Variants in STAG1 observed in about 807,000 individuals in gnomAD.
STAG1 encodes the protein STAG1 cohesin complex component, also known as cohesin subunit SA-1.
STAG1 carries 26 observed loss-of-function variants against 170.9 expected under a neutral mutation model. That is an observed-to-expected ratio of 0.15 (90% CI 0.11 to 0.21). STAG1 has a LOEUF of 0.21. STAG1 is among the 10% of genes least tolerant of loss of function. The probability of loss-of-function intolerance (pLI) is 1.00; values close to 1 mark genes in which losing one functional copy is unlikely to be tolerated. For synonymous variants in STAG1, 514 were observed against 497.7 expected (o/e 1.03, Z -0.44); for missense variants, 964 against 1,509.5 (o/e 0.64, Z 5.99).
chr3:136,518,225 C>A, intron 7 of STAG1: 2 of 566,576 alleles, frequency 3.5e-6, no homozygotes, highest in East Asian at 2.9e-5. Context: ...CTCATCACAT[C>A]TGTACCCTAC....
intron 4 of STAG1, among the ~76,000 whole-genome samples, chr3:136,590,639 G>A (rs188896354): frequency 3.6e-4 from 55 of 152,244 alleles, no homozygotes; most frequent in Admixed American, 7.8e-4. Context: ...TCCTGGACCA[G>A]TTCCAAATAT....
intron 1 of STAG1, among the ~76,000 whole-genome samples, chr3:136,740,859 G>C (rs984215573): frequency 2.0e-5 from 3 of 152,156 alleles, no homozygotes; most frequent in African/African-American, 7.2e-5. Context: ...AATCTAATTT[G>C]GTGATAACAT....
chr3:136,378,526 C>T lies in STAG1; in HGVS notation c.2278-774G>A, dbSNP rs1406378411. 2.0e-5 allele frequency among the ~76,000 whole-genome samples: 3 copies of T among 152,204 alleles called. No individual in the cohort carries two copies. The East Asian group carries it at 5.8e-4, about 29-fold the overall frequency. On this transcript the variant is annotated intron_variant, in intron 22 of 33. Transcript: ENST00000383202. The stretch of plus-strand genomic sequence containing the variant: ...CGTGGGCAACACAGAAAATTAGCCG[C>T]GCATGGTGGAGCATGCCTGTAGTCC...
intron 22 of STAG1, among the ~76,000 whole-genome samples, chr3:136,395,914 T>C (rs2087134896): frequency 6.6e-6 from 1 of 152,070 alleles, no homozygotes; most frequent in African/African-American, 2.4e-5. Flanking sequence ...AAATAACATT[T>C]CAAAAAAAGA....
At chr3:136,566,702 A>G (rs1937086950) in intron 5 of STAG1, among the ~76,000 whole-genome samples, 1 of 152,236 alleles carries the variant, frequency 6.6e-6, no homozygotes, top group African/African-American at 2.4e-5. Context: ...CAATTCCTAT[A>G]GCTGACGATT....
chr3:136,562,863 C>T (rs372038635), intron 5 of STAG1, among the ~76,000 whole-genome samples: 2 of 152,204 alleles, frequency 1.3e-5, no homozygotes, highest in Non-Finnish European at 2.9e-5. Flanking sequence ...GCTGGGATTA[C>T]AGGTGTGAGT....
At chr3:136,585,593 A>AAAT (rs562758896) in intron 4 of STAG1, among the ~76,000 whole-genome samples, 2,231 of 150,762 alleles carry the variant, frequency 0.015, 39 homozygotes, top group African/African-American at 0.041. Flanking sequence ...TGAGACTCAA[A>AAAT]AATAATAATA....
intron 13 of STAG1, among the ~76,000 whole-genome samples, chr3:136,463,492 G>A (rs1344175779): frequency 6.6e-6 from 1 of 152,004 alleles, no homozygotes; most frequent in East Asian, 1.9e-4. Context: ...ATTATTCAAA[G>A]CTAGTAATTT....
intron 1 of STAG1, among the ~76,000 whole-genome samples, chr3:136,723,523 C>A (rs1426943254): frequency 6.4e-4 from 98 of 152,084 alleles, no homozygotes; most frequent in African/African-American, 2.1e-3. Flanking sequence ...AAGTGAGGAG[C>A]GTCTCTGCCC....
At chr3:136,624,675 T>C (rs1940017594) in intron 2 of STAG1, among the ~76,000 whole-genome samples, 2 of 152,214 alleles carry the variant, frequency 1.3e-5, no homozygotes, top group Admixed American at 1.3e-4. Context: ...TTGTTAACAA[T>C]TTCTCTATCA....
intron 22 of STAG1, among the ~76,000 whole-genome samples, chr3:136,378,535 G>C (rs1358907139): frequency 1.3e-5 from 2 of 152,196 alleles, no homozygotes; most frequent in African/African-American, 4.8e-5. Context: ...GCGCATGGTG[G>C]AGCATGCCTG....
intron 1 of STAG1, among the ~76,000 whole-genome samples, chr3:136,631,296 A>C (rs891187619): frequency 6.6e-6 from 1 of 152,238 alleles, no homozygotes; most frequent in Non-Finnish European, 1.5e-5. Flanking sequence ...TAAGTAAAGA[A>C]GCCAATCTGA....
At chr3:136,531,767 C>T (rs1377027346) in intron 6 of STAG1, among the ~76,000 whole-genome samples, 1 of 90,440 alleles carries the variant, frequency 1.1e-5, no homozygotes, top group African/African-American at 4.6e-5. Context: ...TTGTGGGGTG[C>T]GGGGAGGGGG....
At chr3:136,577,073 T>G (rs921705559) in intron 4 of STAG1, among the ~76,000 whole-genome samples, 1 of 152,166 alleles carries the variant, frequency 6.6e-6, no homozygotes, top group Non-Finnish European at 1.5e-5. Flanking sequence ...AAAGTACCAA[T>G]TCAAGCACAT....
intron 26 of STAG1, among the ~76,000 whole-genome samples, chr3:136,360,127 A>G (rs1936804252): frequency 6.6e-6 from 1 of 152,214 alleles, no homozygotes; most frequent in African/African-American, 2.4e-5. Context: ...AGAACCCTGG[A>G]GGTAATATAC....
At position 136,466,285 on chromosome 3, in the gene STAG1, A is replaced by G. The variant is rs557521306; in HGVS notation, c.1206-1297T>C. On this transcript the variant is annotated intron_variant, in intron 12 of 33. Coordinates refer to ENST00000383202, the MANE Select transcript of STAG1 (RefSeq NM_005862.3). ...GACTAGATGAATGGCTAACTAGAAT[A>G]ACCAGCGTAGAGAAGTCCTTAAATG... Among the ~76,000 whole-genome samples, 4 of 152,326 alleles carry G rather than the reference A, an allele frequency of 2.6e-5. No homozygotes were observed. In the South Asian group the frequency reaches 8.3e-4, roughly 32 times the overall value.
At chr3:136,710,753 C>A (rs1943360717) in intron 1 of STAG1, among the ~76,000 whole-genome samples, 1 of 151,644 alleles carries the variant, frequency 6.6e-6, no homozygotes, top group African/African-American at 2.4e-5. Context: ...TAGATTAAAA[C>A]CATAAATGAA....
chr3:136,456,630 G>A (rs1360963867), intron 13 of STAG1, among the ~76,000 whole-genome samples: 1 of 152,144 alleles, frequency 6.6e-6, no homozygotes, highest in African/African-American at 2.4e-5. Context: ...TCTGGAGAAA[G>A]ACAACAGCAT....
At chr3:136,730,760 C>G (rs1933996490) in intron 1 of STAG1, among the ~76,000 whole-genome samples, 1 of 152,190 alleles carries the variant, frequency 6.6e-6, no homozygotes, top group South Asian at 2.1e-4. Flanking sequence ...TTTGGCACTT[C>G]ACTCTGCTCA....
Sources: allele counts gnomAD v4.1 joint callset (sites outside exome capture counted in the v4.1 genomes callset), GRCh38; gene constraint gnomAD v4.1.1; transcripts MANE v1.5; gene names NCBI Gene and HGNC (gene_info 2026-07-23, HGNC 2026-07-21).